Variants in PAPPA2 observed in about 807,000 individuals in gnomAD.
The protein encoded by PAPPA2 is pappalysin-2.
PAPPA2 carries 86 observed loss-of-function variants against 176.4 expected under a neutral mutation model. That is an observed-to-expected ratio of 0.49 (90% CI 0.41 to 0.58). The LOEUF (loss-of-function observed/expected upper bound fraction) is 0.58. Among genes scored for constraint, PAPPA2 ranks in the 20% least tolerant of loss-of-function variants. The probability of loss-of-function intolerance (pLI) is 0.00; values close to 1 mark genes in which losing one functional copy is unlikely to be tolerated. For synonymous variants in PAPPA2, 809 were observed against 852.2 expected (o/e 0.95, Z 0.88); for missense variants, 2,073 against 2,256.9 (o/e 0.92, Z 1.65).
At chr1:176,743,343 T>C (rs893246296) in intron 14 of PAPPA2, among the ~76,000 whole-genome samples, 1 of 152,230 alleles carries the variant, frequency 6.6e-6, no homozygotes, top group Non-Finnish European at 1.5e-5. Flanking sequence ...CAGTCTTGTT[T>C]CTCACTCTGT....
chr1:176,673,500 C>A (rs1573230901), intron 4 of PAPPA2, among the ~76,000 whole-genome samples: 3 of 152,086 alleles, frequency 2.0e-5, no homozygotes, highest in Non-Finnish European at 4.4e-5. Flanking sequence ...GTTTACCCAG[C>A]AGTGGCTTCC....
intron 1 of PAPPA2, among the ~76,000 whole-genome samples, chr1:176,538,055 C>T (rs1317487401): frequency 6.6e-6 from 1 of 152,144 alleles, no homozygotes; most frequent in Non-Finnish European, 1.5e-5. Context: ...ACTCTCGCCT[C>T]AACTCTGCTT....
Position 176,658,008 on chromosome 1 carries a change from A to T in PAPPA2, c.1992-12962A>T, listed in dbSNP as rs373844854. ...TTGAATAAGCACTTGATAATATGTA[A>T]GATGATGTGCTAAGTTTCTATCATG... On this transcript the variant is annotated intron_variant, in intron 3 of 22. Coordinates refer to ENST00000367662, the MANE Select transcript of PAPPA2 (RefSeq NM_020318.3). Among the ~76,000 whole-genome samples, 4 of 152,142 alleles carry T rather than the reference A, an allele frequency of 2.6e-5. No individual in the cohort carries two copies. The South Asian group carries it at 8.3e-4, about 31-fold the overall frequency.
rs919423058 is a variant in PAPPA2 at position 176,829,646 on chromosome 1, G to A, written c.5203-10527G>A. On this transcript the variant is annotated intron_variant, in intron 21 of 22. Transcript: ENST00000367662. Reference sequence around the variant, plus strand: ...CCCGGGCCTTCTTGTGGGGTCACATGCTTTTCCTTTCTTCCCTCAGCTGCA... The same window carrying A: ...CCCGGGCCTTCTTGTGGGGTCACATACTTTTCCTTTCTTCCCTCAGCTGCA... Among the ~76,000 whole-genome samples the A allele has an allele frequency of 4.6e-5, 7 of 152,358 alleles. No individual in the cohort carries two copies. In the East Asian group the frequency reaches 9.7e-4, roughly 21 times the overall value.
At chr1:176,701,699 T>A (rs1026987449) in intron 8 of PAPPA2, among the ~76,000 whole-genome samples, 2 of 152,148 alleles carry the variant, frequency 1.3e-5, no homozygotes, top group African/African-American at 4.8e-5. Flanking sequence ...CATGGCAGAA[T>A]ACTGATGGCA....
At chr1:176,550,536 T>C (rs995453812) in intron 1 of PAPPA2, among the ~76,000 whole-genome samples, 8 of 152,158 alleles carry the variant, frequency 5.3e-5, no homozygotes, top group Non-Finnish European at 7.4e-5. Context: ...ACTTACCCAA[T>C]AGGGACTGTC....
intron 3 of PAPPA2, among the ~76,000 whole-genome samples, chr1:176,641,845 A>G (rs1244898549): frequency 6.6e-6 from 1 of 151,914 alleles, no homozygotes; most frequent in African/African-American, 2.4e-5. Flanking sequence ...ACTCTGGGTG[A>G]TGGAGGTATT....
chr1:176,800,162 A>T lies in PAPPA2; in HGVS notation c.5202+30A>T, dbSNP rs375056744. The T allele has an allele frequency of 1.9e-6, 3 of 1,607,378 alleles. No homozygotes were observed. In the African/African-American group the frequency reaches 4.0e-5, roughly 22 times the overall value. ...GATAGCCTCCCCTTCCCCAACTCAGACTAGAGAACTCAGGTGGATTTAACT... is the reference window on the plus strand; with the variant it reads ...GATAGCCTCCCCTTCCCCAACTCAGTCTAGAGAACTCAGGTGGATTTAACT... On this transcript the variant is annotated intron_variant, in intron 21 of 22. Coordinates refer to ENST00000367662, the MANE Select transcript of PAPPA2 (RefSeq NM_020318.3).
chr1:176,673,075 A>G (rs1308421386), intron 4 of PAPPA2, among the ~76,000 whole-genome samples: 1 of 152,098 alleles, frequency 6.6e-6, no homozygotes, highest in East Asian at 1.9e-4. Context: ...GGGATGAGAC[A>G]TTTTGTTGGG....
At chr1:176,827,328 C>A (rs948903866) in intron 21 of PAPPA2, among the ~76,000 whole-genome samples, 2 of 152,162 alleles carry the variant, frequency 1.3e-5, no homozygotes, top group Admixed American at 6.5e-5. Context: ...AGATTAAATT[C>A]TTCTGGATGG....
intron 3 of PAPPA2, among the ~76,000 whole-genome samples, chr1:176,627,567 A>C (rs1656102461): frequency 6.6e-6 from 1 of 152,212 alleles, no homozygotes; most frequent in Non-Finnish European, 1.5e-5. Flanking sequence ...TATTCTTTTA[A>C]AAAGAGTCTT....
At chr1:176,673,364 C>T (rs1339209692) in intron 4 of PAPPA2, among the ~76,000 whole-genome samples, 4 of 152,024 alleles carry the variant, frequency 2.6e-5, no homozygotes, top group Admixed American at 6.6e-5. Flanking sequence ...TTGAGTTATG[C>T]TAATCAAAAG....
intron 8 of PAPPA2, among the ~76,000 whole-genome samples, chr1:176,701,407 C>CT: frequency 6.6e-6 from 1 of 152,308 alleles, no homozygotes. Context: ...TAAAGGGAAA[C>CT]TGTCAGCATT....
Position 176,516,236 on chromosome 1 carries a change from C to T in PAPPA2, c.-916-39171C>T, listed in dbSNP as rs983028548. On this transcript the variant is annotated intron_variant, in intron 1 of 22. Coordinates refer to ENST00000367662, the MANE Select transcript of PAPPA2 (RefSeq NM_020318.3). ...TCACCACAAATGCTGCTAAGATTCCCTTTTCTGTCCTCGGAGTCAAATGAA... is the reference window on the plus strand; with the variant it reads ...TCACCACAAATGCTGCTAAGATTCCTTTTTCTGTCCTCGGAGTCAAATGAA... 1.6e-4 allele frequency among the ~76,000 whole-genome samples: 24 copies of T among 151,740 alleles called. 2 individuals carry two copies. Among genetic ancestry groups the T allele is most frequent in the East Asian group, 1.2e-3 (6 of 5,172 alleles).
chr1:176,828,015 T>C (rs986587224), intron 21 of PAPPA2, among the ~76,000 whole-genome samples: 2 of 151,890 alleles, frequency 1.3e-5, no homozygotes, highest in African/African-American at 4.8e-5. Context: ...CAGTGAGAGG[T>C]TAGACCAGGT....
At chr1:176,622,561 C>A (rs1655654517) in intron 3 of PAPPA2, among the ~76,000 whole-genome samples, 2 of 152,154 alleles carry the variant, frequency 1.3e-5, no homozygotes, top group African/African-American at 4.8e-5. Flanking sequence ...GCTGGTTTGC[C>A]TCTTGTTTGA....
chr1:176,831,639 T>G (rs1194151210), intron 21 of PAPPA2, among the ~76,000 whole-genome samples: 1 of 152,184 alleles, frequency 6.6e-6, no homozygotes, highest in African/African-American at 2.4e-5. Context: ...CAGTGTGTGC[T>G]TGCAGTGAGG....
intron 2 of PAPPA2, among the ~76,000 whole-genome samples, chr1:176,584,757 T>C (rs1246814712): frequency 1.3e-5 from 2 of 152,148 alleles, no homozygotes; most frequent in Non-Finnish European, 2.9e-5. Context: ...TTTTTTGAGA[T>C]GGTGTCTTGC....
chr1:176,658,362 A>G (rs1340048945), intron 3 of PAPPA2, among the ~76,000 whole-genome samples: 3 of 152,036 alleles, frequency 2.0e-5, no homozygotes, highest in African/African-American at 7.2e-5. Context: ...CAGATACTAT[A>G]TATTTTTTAT....
Sources: gnomAD v4.1 joint callset for allele counts (sites outside exome capture counted in the v4.1 genomes callset) on GRCh38, gnomAD v4.1.1 for gene constraint, MANE v1.5 for transcripts, NCBI Gene and HGNC (gene_info 2026-07-23, HGNC 2026-07-21) for gene names.